The following MICAL3 variants were observed in gnomAD, a reference collection of about 807,000 sequenced individuals.
MICAL3 encodes [F-actin]-monooxygenase MICAL3.
MICAL3 carries 62 observed loss-of-function variants against 207.4 expected under a neutral mutation model. The ratio of observed to expected loss-of-function variants is 0.30; its 90% confidence interval spans 0.24 to 0.37. The LOEUF (loss-of-function observed/expected upper bound fraction) is 0.37, where lower values mean the gene tolerates loss of function less well. Ranked by LOEUF, MICAL3 falls within the 10% of genes least tolerant of loss-of-function variation. The probability of loss-of-function intolerance (pLI) is 1.00; values close to 1 mark genes in which losing one functional copy is unlikely to be tolerated. For synonymous variants in MICAL3, 1,077 were observed against 1,069.3 expected (o/e 1.01, Z -0.14); for missense variants, 2,368 against 2,635.6 (o/e 0.90, Z 2.22).
chr22:17,895,890 A>G (rs1454181211), intron 9 of MICAL3, among the ~76,000 whole-genome samples: 2 of 152,194 alleles, frequency 1.3e-5, no homozygotes, highest in Non-Finnish European at 2.9e-5. Context: ...AGCAAATCAC[A>G]GGATTTTTAT....
intron 1 of MICAL3, among the ~76,000 whole-genome samples, chr22:17,930,731 T>TA (rs1450738931): frequency 6.6e-6 from 1 of 152,206 alleles, no homozygotes; most frequent in African/African-American, 2.4e-5. Context: ...GGCCCCCAGT[T>TA]AGAGTCTGAG....
chr22:17,875,184 G>A lies in MICAL3; in HGVS notation c.2242-3161C>T, dbSNP rs537955459. The A allele has an allele frequency of 1.6e-4, 38 of 240,354 alleles. No homozygotes were observed. In the East Asian group the frequency reaches 2.6e-3, roughly 16 times the overall value. 14.9% of individuals were successfully genotyped at this position (240,354 alleles called of 1,614,324 possible). On this transcript the variant is annotated intron_variant, in intron 16 of 31. Transcript: ENST00000441493. ...TCATTATTTGATATAGTTGAAATAG[G>A]ATCAAAGCGGGTTCACATCAACAGA...
chr22:17,897,077 C>A (rs568698701), intron 7 of MICAL3, 96 bp from the exon 8 acceptor site: 1 of 1,384,176 alleles, frequency 7.2e-7, no homozygotes, highest in Non-Finnish European at 9.7e-7. Context: ...CTTCTTCCCC[C>A]TAAAGTGACT....
At chr22:18,003,228 A>G (rs938340434) in intron 1 of MICAL3, among the ~76,000 whole-genome samples, 3 of 151,666 alleles carry the variant, frequency 2.0e-5, no homozygotes, top group Admixed American at 1.3e-4. Context: ...CAGCGACAGT[A>G]TCAACCCCAC....
chr22:17,886,119 A>G (rs1284625176), intron 15 of MICAL3, 68 bp from the exon 16 acceptor site: 4 of 1,553,076 alleles, frequency 2.6e-6, no homozygotes, highest in Middle Eastern at 2.1e-4. Flanking sequence ...CCTCCCTCAC[A>G]GAAGTGCACT....
chr22:17,834,819 G>A (rs1400423542), intron 20 of MICAL3, among the ~76,000 whole-genome samples: 1 of 152,200 alleles, frequency 6.6e-6, no homozygotes, highest in Admixed American at 6.5e-5. Context: ...TCTTATTAAT[G>A]AACAACAATA....
chr22:17,916,077 AAAACCC>A lies in MICAL3; in HGVS notation c.-74-9197_-74-9192del, dbSNP rs1569131724. ...TCTCAAAAAAAAAAAAAAAAAAAAAAAAACCCAAAAAGCAACAAAAAACAAAAACCA... is the reference window on the plus strand; with the variant it reads ...TCTCAAAAAAAAAAAAAAAAAAAAAAAAAAAGCAACAAAAAACAAAAACCA... On this transcript the variant is annotated intron_variant, in intron 1 of 31. Transcript: ENST00000441493. 4.7e-5 allele frequency among the ~76,000 whole-genome samples: 7 copies of A among 148,834 alleles called. No individual in the cohort carries two copies. In the East Asian group the frequency reaches 1.2e-3, roughly 25 times the overall value.
chr22:17,830,516 T>C lies in MICAL3; in HGVS notation c.3055+1338A>G, dbSNP rs1274643928. Among the ~76,000 whole-genome samples, 4 of 152,304 alleles carry C rather than the reference T, an allele frequency of 2.6e-5. No individual in the cohort carries two copies. In the East Asian group the frequency reaches 7.7e-4, roughly 29 times the overall value. On this transcript the variant is annotated intron_variant, in intron 21 of 31. Coordinates refer to ENST00000441493, the MANE Select transcript of MICAL3 (RefSeq NM_015241.3). ...GCTCAAAGCTGCCGAGTGATCATCA[T>C]CAGATGGAGATGACGATGTCTGGAA... is the stretch of plus-strand genomic sequence containing the variant.
chr22:17,881,124 T>C, intron 16 of MICAL3: 1 of 1,146,542 alleles, frequency 8.7e-7, no homozygotes, highest in Non-Finnish European at 1.3e-6. Flanking sequence ...AGAGGGAAAG[T>C]GACTTGGTCT....
chr22:18,017,275 G>A (rs190966312), intron 1 of MICAL3, among the ~76,000 whole-genome samples: 49 of 151,770 alleles, frequency 3.2e-4, no homozygotes, highest in African/African-American at 1.1e-3. Flanking sequence ...GTGCAATGGC[G>A]CAATCTCGGC....
At chr22:17,909,227 A>G (rs1467105747) in intron 1 of MICAL3, among the ~76,000 whole-genome samples, 2 of 152,224 alleles carry the variant, frequency 1.3e-5, no homozygotes, top group Non-Finnish European at 2.9e-5. Flanking sequence ...TCTAGATATT[A>G]AAAACTATAC....
In MICAL3 at chr22:17,806,483, T is replaced by G. The variant is rs1232832458; in HGVS notation, c.5650+2361A>C. Among the ~76,000 whole-genome samples the G allele has an allele frequency of 3.3e-5, 5 of 152,104 alleles. 1 individual carries two copies. Among genetic ancestry groups the G allele is most frequent in the African/African-American group, 4.8e-5 (2 of 41,420 alleles). On this transcript the variant is annotated intron_variant, in intron 29 of 31. Coordinates refer to ENST00000441493, the MANE Select transcript of MICAL3 (RefSeq NM_015241.3). ...AAAAAAAAAAAGCTCTTGCCTCATT[T>G]TAAACTTCTAGTGTCTACATCATTT...
At chr22:17,823,099 GGACA>G (rs772992180) in intron 22 of MICAL3, 39 bp from the exon 23 acceptor site, 21 of 1,367,128 alleles carry the variant, frequency 1.5e-5, no homozygotes, top group Admixed American at 8.4e-5. Flanking sequence ...AAGAAAAGGA[GGACA>G]GACAGACAGG....
chr22:17,912,421 A>G (rs1932204419), intron 1 of MICAL3, among the ~76,000 whole-genome samples: 1 of 151,740 alleles, frequency 6.6e-6, no homozygotes. Flanking sequence ...CTGAATGTGT[A>G]TTGTTTGGGT....
At chr22:17,905,979 C>T (rs965457374) in intron 2 of MICAL3, among the ~76,000 whole-genome samples, 2 of 152,168 alleles carry the variant, frequency 1.3e-5, no homozygotes, top group African/African-American at 2.4e-5. Flanking sequence ...ATGCCAAGTT[C>T]GCAAACAGTA....
At chr22:17,970,064 C>T (rs764879538) in intron 1 of MICAL3, among the ~76,000 whole-genome samples, 44 of 152,318 alleles carry the variant, frequency 2.9e-4, no homozygotes, top group Admixed American at 9.2e-4. Flanking sequence ...GGGACTGGGC[C>T]GTTGCTCCAG....
intron 1 of MICAL3, among the ~76,000 whole-genome samples, chr22:17,991,143 G>T (rs761000309): frequency 5.1e-4 from 78 of 152,236 alleles, no homozygotes; most frequent in Admixed American, 2.6e-4. Flanking sequence ...ACAACTGACA[G>T]CCCGTGACAG....
chr22:17,966,391 C>T (rs1935144911), intron 1 of MICAL3, among the ~76,000 whole-genome samples: 2 of 152,218 alleles, frequency 1.3e-5, no homozygotes, highest in Non-Finnish European at 2.9e-5. Context: ...CTTCACAAAG[C>T]CTCCATCTCT....
chr22:17,803,937 A>G (rs2061964372), intron 29 of MICAL3: 3 of 638,982 alleles, frequency 4.7e-6, no homozygotes, highest in Non-Finnish European at 5.8e-6. Context: ...AATCAATGAT[A>G]TGATATGGAG....
Sources: allele counts gnomAD v4.1 joint callset (sites outside exome capture counted in the v4.1 genomes callset), GRCh38; gene constraint gnomAD v4.1.1; transcripts MANE v1.5; gene names NCBI Gene and HGNC (gene_info 2026-07-23, HGNC 2026-07-21).